PCDHA11: variants seen among roughly 807,000 people sequenced by gnomAD.
The protein encoded by PCDHA11 is protocadherin alpha 11.
Under a neutral mutation model 70.3 loss-of-function variants are expected in PCDHA11, and 61 were observed. That is an observed-to-expected ratio of 0.87 (90% confidence interval 0.71 to 1.07). The LOEUF (loss-of-function observed/expected upper bound fraction) is 1.07. Among genes scored for constraint, PCDHA11 ranks in the 50% least tolerant of loss-of-function variants. The pLI, the probability that PCDHA11 is intolerant of heterozygous loss-of-function variation, is 0.00. For synonymous variants in PCDHA11, 633 were observed against 555.1 expected, an observed-to-expected ratio of 1.14 and a Z score of -1.97; for missense variants, 1,324 against 1,237.5, an observed-to-expected ratio of 1.07 and a Z score of -1.05.
At chr5:140,924,992 G>T (rs1383717650) in intron 1 of PCDHA11, among the ~76,000 whole-genome samples, 3 of 151,676 alleles carry the variant, frequency 2.0e-5, no homozygotes, top group African/African-American at 7.3e-5. Context: ...TGTAATCCTA[G>T]CACTTTAGGA....
intron 1 of PCDHA11, among the ~76,000 whole-genome samples, chr5:140,948,708 C>A (rs1376587735): frequency 6.6e-6 from 1 of 151,114 alleles, no homozygotes; most frequent in Non-Finnish European, 1.5e-5. Flanking sequence ...TGTGTTCTAT[C>A]CTCTTTTTTA....
intron 3 of PCDHA11, among the ~76,000 whole-genome samples, chr5:140,989,866 T>G (rs2097364293): frequency 6.6e-6 from 1 of 152,012 alleles, no homozygotes; most frequent in South Asian, 2.1e-4. Flanking sequence ...GGAATCTTTC[T>G]CTGCCTCAGC....
intron 3 of PCDHA11, among the ~76,000 whole-genome samples, chr5:141,008,458 C>T (rs1234894606): frequency 3.9e-5 from 6 of 152,252 alleles, no homozygotes; most frequent in Middle Eastern, 3.4e-3. Context: ...CCTTCCTCTC[C>T]AGCTCTGACT....
At chr5:140,958,139 A>T (rs1196467618) in intron 1 of PCDHA11, among the ~76,000 whole-genome samples, 2 of 152,112 alleles carry the variant, frequency 1.3e-5, no homozygotes, top group African/African-American at 2.4e-5. Context: ...CAGTGTGTAT[A>T]TTTATATAGC....
At chr5:140,884,532 G>A in intron 1 of PCDHA11, 2 of 1,614,042 alleles carry the variant, frequency 1.2e-6, no homozygotes, top group South Asian at 2.2e-5. Flanking sequence ...CAGCAGAGGC[G>A]GCCGAGGGTG....
At chr5:140,914,596 C>G (rs1454753124) in intron 1 of PCDHA11, among the ~76,000 whole-genome samples, 1 of 152,128 alleles carries the variant, frequency 6.6e-6, no homozygotes, top group Non-Finnish European at 1.5e-5. Context: ...TAAGTAGGAA[C>G]TTCCTCCTGC....
chr5:140,869,718 T>A lies in PCDHA11; in HGVS notation c.615T>A (p.Thr205=), dbSNP rs1228223839. The change falls in exon 1 of 4, where the codon ACT becomes ACA. Residue 205 remains threonine (T), a synonymous_variant. Transcript: ENST00000398640. ...AGAAGTCTCTGGATAGAGAGAAAAC[T>A]CCGGAACTTAATTTGCTGCTAACAG... is the stretch of plus-strand genomic sequence containing the variant. ...ILKKSLDREK[T]PELNLLLTAT... 19 of 1,613,290 alleles carry A rather than the reference T, an allele frequency of 1.2e-5. No homozygotes were observed. The highest frequency in any genetic ancestry group is 1.2e-5 in the Non-Finnish European group (14 of 1,179,882).
At chr5:140,880,258 A>G (rs1278819523) in intron 1 of PCDHA11, among the ~76,000 whole-genome samples, 3 of 152,246 alleles carry the variant, frequency 2.0e-5, no homozygotes. Flanking sequence ...GTATGTATAC[A>G]TATTTTAGTT....
At chr5:140,954,340 G>A (rs2095020682) in intron 1 of PCDHA11, among the ~76,000 whole-genome samples, 1 of 152,176 alleles carries the variant, frequency 6.6e-6, no homozygotes, top group Non-Finnish European at 1.5e-5. Flanking sequence ...TCTGCCTCTA[G>A]ATCTTTGAGG....
At chr5:141,005,701 CAAA>C (rs59860837) in intron 3 of PCDHA11, among the ~76,000 whole-genome samples, 30 of 7,778 alleles carry the variant, frequency 3.9e-3, no homozygotes, top group African/African-American at 0.012. Context: ...AACTCCGTCT[CAAA>C]AAAAAAAAAA....
intron 1 of PCDHA11, among the ~76,000 whole-genome samples, chr5:140,879,587 G>A (rs904371743): frequency 6.6e-6 from 1 of 152,186 alleles, no homozygotes. Context: ...GACAGACATT[G>A]AAAAGTGAAA....
At chr5:140,943,509 A>G (rs1053319828) in intron 1 of PCDHA11, among the ~76,000 whole-genome samples, 1 of 152,132 alleles carries the variant, frequency 6.6e-6, no homozygotes, top group East Asian at 1.9e-4. Flanking sequence ...GGTTCATGGA[A>G]ATGTTGAGTT....
At chr5:140,907,773 G>C (rs2073598085) in intron 1 of PCDHA11, among the ~76,000 whole-genome samples, 1 of 152,200 alleles carries the variant, frequency 6.6e-6, no homozygotes, top group Admixed American at 6.5e-5. Flanking sequence ...GGTGATGACA[G>C]GGGTGGCTGG....
intron 1 of PCDHA11, among the ~76,000 whole-genome samples, chr5:140,964,876 G>A (rs2095860081): frequency 6.6e-6 from 1 of 152,188 alleles, no homozygotes; most frequent in Non-Finnish European, 1.5e-5. Flanking sequence ...CAAATAAGAA[G>A]CAGCAGTGAT....
chr5:140,988,411 A>T (rs2097296392), intron 3 of PCDHA11, among the ~76,000 whole-genome samples: 1 of 152,144 alleles, frequency 6.6e-6, no homozygotes, highest in Non-Finnish European at 1.5e-5. Flanking sequence ...TTCGCAGCTT[A>T]TGTAAAGAAT....
At chr5:140,882,460 C>T in intron 1 of PCDHA11, 4 of 1,613,998 alleles carry the variant, frequency 2.5e-6, no homozygotes, top group Non-Finnish European at 3.4e-6. Context: ...CGCGCCTGTT[C>T]CGGGTGGCGT....
chr5:140,923,133 G>T (rs1177084353), intron 1 of PCDHA11, among the ~76,000 whole-genome samples: 3 of 152,082 alleles, frequency 2.0e-5, no homozygotes, highest in African/African-American at 7.2e-5. Context: ...ACACTTTGAA[G>T]GTGGAATATA....
intron 2 of PCDHA11, among the ~76,000 whole-genome samples, chr5:140,979,404 C>T (rs2096848893): frequency 6.6e-6 from 1 of 151,980 alleles, no homozygotes; most frequent in Non-Finnish European, 1.5e-5. Context: ...ATGTTGTCTA[C>T]CTTGTTTTTT....
intron 1 of PCDHA11, chr5:140,882,118 T>G: frequency 1.4e-6 from 2 of 1,431,994 alleles, no homozygotes; most frequent in Non-Finnish European, 9.4e-7. Context: ...AAGCCGCCGT[T>G]TCTTTCTTCC....
Sources: allele counts gnomAD v4.1 joint callset (sites outside exome capture counted in the v4.1 genomes callset), GRCh38; gene constraint gnomAD v4.1.1; transcripts MANE v1.5; gene names NCBI Gene and HGNC (gene_info 2026-07-23, HGNC 2026-07-21).